SMAD2: variants seen among roughly 807,000 people sequenced by gnomAD.
SMAD2 encodes the protein SMAD family member 2, also known as MAD homolog 2.
Under a neutral mutation model 64.4 loss-of-function variants are expected in SMAD2, and 8 were observed. That is an observed-to-expected ratio of 0.12 (90% confidence interval 0.07 to 0.22). SMAD2 has a LOEUF of 0.22. Ranked by LOEUF, SMAD2 falls within the 10% of genes least tolerant of loss-of-function variation. The pLI is 1.00. For synonymous variants in SMAD2, 203 were observed against 195.8 expected, an observed-to-expected ratio of 1.04 and a Z score of -0.31; for missense variants, 289 against 561.2, an observed-to-expected ratio of 0.51 and a Z score of 4.90.
chr18:47,915,501 G>T (rs989881095), intron 1 of SMAD2, among the ~76,000 whole-genome samples: 21 of 151,970 alleles, frequency 1.4e-4, no homozygotes, highest in African/African-American at 5.1e-4. Flanking sequence ...GAATAGGCTG[G>T]TATATATCAT....
intron 10 of SMAD2, among the ~76,000 whole-genome samples, chr18:47,843,081 T>C (rs1402185850): frequency 1.3e-5 from 2 of 152,194 alleles, no homozygotes; most frequent in Non-Finnish European, 2.9e-5. Context: ...AGTGCCCCAC[T>C]GTACCCTTTG....
intron 2 of SMAD2, among the ~76,000 whole-genome samples, chr18:47,879,682 T>C (rs1322884362): frequency 6.6e-6 from 1 of 152,220 alleles, no homozygotes; most frequent in African/African-American, 2.4e-5. Context: ...TGATTTCTTT[T>C]TTTCTCGGGT....
At chr18:47,892,363 C>T (rs1006571884) in intron 2 of SMAD2, among the ~76,000 whole-genome samples, 2 of 152,154 alleles carry the variant, frequency 1.3e-5, no homozygotes, top group Non-Finnish European at 2.9e-5. Context: ...CCACACCCAG[C>T]TAGTTTTTGT....
chr18:47,874,360 A>T (rs537374524), intron 2 of SMAD2, among the ~76,000 whole-genome samples: 1 of 152,322 alleles, frequency 6.6e-6, no homozygotes, highest in South Asian at 2.1e-4. Flanking sequence ...TAGAAGTGGC[A>T]GAACAAATTC....
chr18:47,903,281 G>T (rs775720202), intron 1 of SMAD2, among the ~76,000 whole-genome samples: 9 of 151,856 alleles, frequency 5.9e-5, no homozygotes, highest in Non-Finnish European at 1.3e-4. Flanking sequence ...GACAGGGTAG[G>T]ATTGCTAAAA....
intron 1 of SMAD2, among the ~76,000 whole-genome samples, chr18:47,915,057 C>CT (rs1157786605): frequency 6.6e-6 from 1 of 152,064 alleles, no homozygotes; most frequent in Non-Finnish European, 1.5e-5. Flanking sequence ...TAAATGGGGA[C>CT]TTTAATTACA....
chr18:47,872,705 G>A (rs1277807164), intron 2 of SMAD2, among the ~76,000 whole-genome samples: 1 of 152,084 alleles, frequency 6.6e-6, no homozygotes, highest in Non-Finnish European at 1.5e-5. Flanking sequence ...CTGCACATGC[G>A]AGGGCTTTAG....
At chr18:47,854,176 C>A (rs1032823595) in intron 6 of SMAD2, among the ~76,000 whole-genome samples, 1 of 151,884 alleles carries the variant, frequency 6.6e-6, no homozygotes, top group African/African-American at 2.4e-5. Context: ...TCACCTACCA[C>A]AGGTCTTCCA....
intron 1 of SMAD2, among the ~76,000 whole-genome samples, chr18:47,909,816 T>C (rs771304111): frequency 6.6e-6 from 1 of 152,166 alleles, no homozygotes; most frequent in Non-Finnish European, 1.5e-5. Context: ...ACAATGTCGC[T>C]GGTAACCCAC....
At chr18:47,842,901 T>C (rs1216114475) in intron 10 of SMAD2, among the ~76,000 whole-genome samples, 1 of 152,230 alleles carries the variant, frequency 6.6e-6, no homozygotes, top group Non-Finnish European at 1.5e-5. Flanking sequence ...TTTAGTTCCA[T>C]CTTATTTGCT....
At chr18:47,856,172 C>G (rs946743750) in intron 6 of SMAD2, among the ~76,000 whole-genome samples, 5 of 150,198 alleles carry the variant, frequency 3.3e-5, no homozygotes, top group African/African-American at 4.9e-5. Flanking sequence ...TACATAGAAA[C>G]ATAATAAAAT....
rs1168904153 is a variant in SMAD2 at position 47,811,231 on chromosome 18, GGAGGCT to G, written c.*30590_*30595del. The G allele has an allele frequency of 6.6e-6, 1 of 152,270 alleles. No homozygotes were observed. Among genetic ancestry groups the G allele is most frequent in the Non-Finnish European group, 1.5e-5 (1 of 68,160 alleles). 9.4% of individuals were successfully genotyped at this position (152,270 alleles called of 1,614,324 possible). A position where few individuals can be genotyped will look rare whatever the true frequency, so the allele number is the denominator to read the frequency against. On this transcript the variant is annotated 3_prime_UTR_variant, in exon 11 of 11. Coordinates refer to ENST00000262160, the MANE Select transcript of SMAD2 (RefSeq NM_005901.6). ...TCACGCCTGTAATCCCAGCACTTTG[GGAGGCT>G]GAGGCGGGTGGATCACAAGGTCAGG...
chr18:47,874,908 GAAGA>G (rs202164447), intron 2 of SMAD2, among the ~76,000 whole-genome samples: 2,804 of 152,138 alleles, frequency 0.018, 51 homozygotes, highest in African/African-American at 0.041. Context: ...AAATAAAACA[GAAGA>G]AAATATTGCC....
At chr18:47,859,167 T>C (rs2030967070) in intron 6 of SMAD2, among the ~76,000 whole-genome samples, 1 of 152,164 alleles carries the variant, frequency 6.6e-6, no homozygotes, top group Non-Finnish European at 1.5e-5. Flanking sequence ...GTGTATCATC[T>C]AATAACAGAG....
At chr18:47,926,023 C>T (rs1356948993) in intron 1 of SMAD2, among the ~76,000 whole-genome samples, 3 of 152,202 alleles carry the variant, frequency 2.0e-5, no homozygotes, top group Non-Finnish European at 4.4e-5. Flanking sequence ...TTATATGATA[C>T]TCCTGCAGAC....
At chr18:47,912,444 A>G (rs1319282182) in intron 1 of SMAD2, 2 of 152,232 alleles carry the variant, frequency 1.3e-5, no homozygotes, top group Non-Finnish European at 2.9e-5. Context: ...GCAACCCTGA[A>G]GGCTAAAGGG....
intron 1 of SMAD2, among the ~76,000 whole-genome samples, chr18:47,903,882 G>GA (rs1246334063): frequency 1.4e-5 from 2 of 140,390 alleles, no homozygotes; most frequent in South Asian, 5.1e-4. Context: ...AGTGTGGGGG[G>GA]GGGGGGGACT....
chr18:47,868,328 A>G lies in SMAD2; in HGVS notation c.650T>C (p.Ile217Thr). ...PAGIEPQSNY[I>T]PETPPPGYIS... is the part of the protein sequence containing the mutation. ...GATTCAGAAGGCAAAAATACCTGGA[A>G]TATAATTACTCTGTGGCTCAATTCC... Residue 217 changes from isoleucine to threonine, a missense_variant, in exon 5 of 11, where the codon ATT (isoleucine) becomes ACT (threonine). Transcript: ENST00000262160. The G allele has an allele frequency of 6.2e-7, 1 of 1,613,164 alleles. No individual in the cohort carries two copies.
chr18:47,863,731 AT>A (rs2031357903), intron 6 of SMAD2, among the ~76,000 whole-genome samples: 2 of 152,194 alleles, frequency 1.3e-5, no homozygotes, highest in South Asian at 4.1e-4. Context: ...AACTTTGAAT[AT>A]TAAGAATAAT....
Sources: allele counts gnomAD v4.1 joint callset (sites outside exome capture counted in the v4.1 genomes callset), GRCh38; gene constraint gnomAD v4.1.1; transcripts MANE v1.5; gene names NCBI Gene and HGNC (gene_info 2026-07-23, HGNC 2026-07-21).